Variants in DNER observed in about 807,000 individuals in gnomAD.
DNER encodes delta/notch like EGF repeat containing, also known as delta and Notch-like epidermal growth factor-related receptor.
A neutral mutation model predicts 78.2 loss-of-function variants in DNER; 33 were observed. That is an observed-to-expected ratio of 0.42 (90% CI 0.32 to 0.56). The LOEUF is 0.56. Among genes scored for constraint, DNER ranks in the 20% least tolerant of loss-of-function variants. DNER has a pLI of 0.11. For missense variants in DNER, 918 were observed against 975.3 expected (o/e 0.94, Z 0.78); for synonymous variants, 417 against 384.8 (o/e 1.08, Z -0.98).
rs114064026 is a variant in DNER at position 229,710,602 on chromosome 2, C to T, written c.276+3546G>A. Among the ~76,000 whole-genome samples, 1,398 of 152,234 alleles carry T rather than the reference C, an allele frequency of 9.2e-3. 23 individuals carry two copies. Among genetic ancestry groups the T allele is most frequent in the African/African-American group, 0.032 (1,326 of 41,516 alleles). On this transcript the variant is annotated intron_variant, in intron 1 of 12. Coordinates refer to ENST00000341772, the MANE Select transcript of DNER (RefSeq NM_139072.4). ...TAAGCTACCATCATCATCATCATTA[C>T]ATATCTACAAATTAGATTTTCATAT... is the stretch of plus-strand genomic sequence containing the variant.
chr2:229,389,920 A>G (rs1043421535), intron 10 of DNER, among the ~76,000 whole-genome samples: 2 of 152,254 alleles, frequency 1.3e-5, no homozygotes, highest in African/African-American at 4.8e-5. Flanking sequence ...ATCAATAGAA[A>G]AAAACATGAA....
chr2:229,585,743 A>G (rs1158328292), intron 4 of DNER, 115 bp downstream of exon 4: 1 of 1,031,994 alleles, frequency 9.7e-7, no homozygotes, highest in Non-Finnish European at 1.4e-6. Flanking sequence ...AAGAAATAGC[A>G]TTGATGGATA....
chr2:229,669,341 T>C (rs1180216256), intron 1 of DNER, among the ~76,000 whole-genome samples: 3 of 151,186 alleles, frequency 2.0e-5, no homozygotes, highest in Non-Finnish European at 4.4e-5. Context: ...GTTCCGCACA[T>C]GTATCCCAGA....
intron 1 of DNER, among the ~76,000 whole-genome samples, chr2:229,668,699 T>A (rs1243386963): frequency 6.7e-6 from 1 of 150,238 alleles, no homozygotes; most frequent in Non-Finnish European, 1.5e-5. Flanking sequence ...AGAATGGAGA[T>A]CATTAAAAAG....
chr2:229,519,907 T>A (rs1298135404), intron 5 of DNER, among the ~76,000 whole-genome samples: 1 of 152,222 alleles, frequency 6.6e-6, no homozygotes, highest in African/African-American at 2.4e-5. Context: ...TCGCTGATTC[T>A]AAGTTCCTGT....
chr2:229,622,787 C>T (rs886547704), intron 1 of DNER, among the ~76,000 whole-genome samples: 21 of 152,138 alleles, frequency 1.4e-4, no homozygotes, highest in Admixed American at 4.6e-4. Context: ...AGTGATCCAT[C>T]CATGAGCCAA....
intron 8 of DNER, among the ~76,000 whole-genome samples, chr2:229,443,919 C>T (rs1465165955): frequency 1.3e-5 from 2 of 152,148 alleles, no homozygotes; most frequent in African/African-American, 4.8e-5. Flanking sequence ...TTTTATTTTA[C>T]ACAGTCACCT....
At position 229,457,511 on chromosome 2, in the gene DNER, A is replaced by T. The variant is rs181845453; in HGVS notation, c.1262-9971T>A. On this transcript the variant is annotated intron_variant, in intron 7 of 12. Transcript: ENST00000341772. ...TCCCAGAGCAGCCACTAAAACTAAA[A>T]CAGACGCAACAAAAACCCCAAACCA... 2.4e-3 allele frequency among the ~76,000 whole-genome samples: 368 copies of T among 152,110 alleles called. 2 individuals carry two copies. The highest frequency in any genetic ancestry group is 4.5e-3 in the Non-Finnish European group (303 of 68,024).
chr2:229,469,762 G>C (rs139512853), intron 7 of DNER, among the ~76,000 whole-genome samples: 543 of 152,284 alleles, frequency 3.6e-3, no homozygotes, highest in Middle Eastern at 6.8e-3. Context: ...GGCCAACATG[G>C]CGAAATCCCG....
chr2:229,492,262 A>C (rs2154211735), intron 6 of DNER, among the ~76,000 whole-genome samples: 1 of 152,362 alleles, frequency 6.6e-6, no homozygotes, highest in Non-Finnish European at 1.5e-5. Flanking sequence ...GGAGGATCAC[A>C]CAAGGTCACA....
intron 4 of DNER, among the ~76,000 whole-genome samples, chr2:229,554,925 GAGA>G (rs1329338705): frequency 9.9e-3 from 646 of 65,524 alleles, no homozygotes; most frequent in Non-Finnish European, 0.011. Flanking sequence ...GAGAAGAGAA[GAGA>G]AGAGAAGAGA....
intron 2 of DNER, among the ~76,000 whole-genome samples, chr2:229,588,859 G>A (rs1183505048): frequency 6.6e-6 from 1 of 152,136 alleles, no homozygotes; most frequent in Admixed American, 6.5e-5. Context: ...CAACTTTAAG[G>A]ACTAACTTAC....
intron 7 of DNER, among the ~76,000 whole-genome samples, chr2:229,464,224 TA>T (rs1213428428): frequency 2.0e-5 from 3 of 152,102 alleles, no homozygotes; most frequent in African/African-American, 7.2e-5. Context: ...TTATGCAAGA[TA>T]AAGAGAAAGG....
At chr2:229,690,136 T>A (rs1018344823) in intron 1 of DNER, among the ~76,000 whole-genome samples, 6 of 151,930 alleles carry the variant, frequency 3.9e-5, no homozygotes, top group Non-Finnish European at 8.8e-5. Context: ...CACTTGGGGG[T>A]TTCCTTTTGT....
At chr2:229,541,965 TATTA>T (rs1559161597) in intron 5 of DNER, among the ~76,000 whole-genome samples, 1 of 147,268 alleles carries the variant, frequency 6.8e-6, no homozygotes, top group African/African-American at 2.5e-5. Context: ...TATATTTATA[TATTA>T]ATTATATACA....
intron 1 of DNER, 112 bp downstream of exon 1, chr2:229,714,036 G>T: frequency 9.3e-7 from 1 of 1,072,026 alleles, no homozygotes; most frequent in Non-Finnish European, 1.2e-6. Context: ...TTCCCAAAGT[G>T]GGAAAGCCTG....
chr2:229,494,067 T>C (rs978009599), intron 6 of DNER, among the ~76,000 whole-genome samples: 2 of 152,180 alleles, frequency 1.3e-5, no homozygotes, highest in African/African-American at 2.4e-5. Context: ...TAGTATGATA[T>C]TAGGGCTTGA....
chr2:229,551,768 C>T (rs1696741825), intron 4 of DNER, among the ~76,000 whole-genome samples: 1 of 151,876 alleles, frequency 6.6e-6, no homozygotes, highest in African/African-American at 2.4e-5. Flanking sequence ...CCCATCTCTA[C>T]TAAAAGTACA....
intron 5 of DNER, among the ~76,000 whole-genome samples, chr2:229,518,003 T>C (rs1322668653): frequency 1.3e-5 from 2 of 152,216 alleles, no homozygotes. Flanking sequence ...CTACGTTAAA[T>C]TACCTTGTTT....
Sources: allele counts gnomAD v4.1 joint callset (sites outside exome capture counted in the v4.1 genomes callset), GRCh38; gene constraint gnomAD v4.1.1; transcripts MANE v1.5; gene names NCBI Gene and HGNC (gene_info 2026-07-23, HGNC 2026-07-21).